The following CAPSL variants were observed in gnomAD, a reference collection of about 807,000 sequenced individuals.
CAPSL encodes the protein calcyphosine like.
CAPSL carries 17 observed loss-of-function variants against 21.3 expected under a neutral mutation model. The observed-to-expected ratio is 0.80, with a 90% CI of 0.55 to 1.20. The LOEUF (loss-of-function observed/expected upper bound fraction) is 1.20, where lower values mean the gene tolerates loss of function less well. Ranked by LOEUF, CAPSL falls within the 50% of genes most tolerant of loss-of-function variation. The pLI, the probability that CAPSL is intolerant of heterozygous loss-of-function variation, is 0.00. For missense variants in CAPSL, 289 were observed against 259.3 expected (o/e 1.11, Z -0.79); for synonymous variants, 102 against 89.3 (o/e 1.14, Z -0.80).
At chr5:35,915,279 G>A (rs971217598) in intron 2 of CAPSL, among the ~76,000 whole-genome samples, 1 of 152,170 alleles carries the variant, frequency 6.6e-6, no homozygotes, top group Non-Finnish European at 1.5e-5. Flanking sequence ...TCTACCAGAG[G>A]TACAAGGAGG....
intron 1 of CAPSL, among the ~76,000 whole-genome samples, chr5:35,926,155 C>CAGGCTAGCCAAT (rs946950529): frequency 1.3e-5 from 2 of 151,666 alleles, no homozygotes; most frequent in Non-Finnish European, 2.9e-5. Context: ...GAAGGCGGGA[C>CAGGCTAGCCAAT]AGGCTAGCCA....
chr5:35,926,096 G>GA (rs1738669539), intron 1 of CAPSL, among the ~76,000 whole-genome samples: 1 of 138,830 alleles, frequency 7.2e-6, no homozygotes, highest in African/African-American at 2.7e-5. Flanking sequence ...AAAAAAAAAC[G>GA]AAAAAACGGG....
intron 1 of CAPSL, among the ~76,000 whole-genome samples, chr5:35,923,601 T>C (rs1433235290): frequency 2.0e-5 from 3 of 152,208 alleles, no homozygotes; most frequent in African/African-American, 4.8e-5. Flanking sequence ...GATACCACAA[T>C]GTGGACAAAC....
intron 4 of CAPSL, among the ~76,000 whole-genome samples, chr5:35,906,696 G>A (rs557381420): frequency 1.3e-5 from 2 of 152,196 alleles, no homozygotes; most frequent in Non-Finnish European, 2.9e-5. Context: ...GCAATTGAAA[G>A]CAAACCCTAA....
intron 2 of CAPSL, among the ~76,000 whole-genome samples, chr5:35,918,761 A>G (rs1435210753): frequency 6.6e-6 from 1 of 152,288 alleles, no homozygotes; most frequent in Admixed American, 6.5e-5. Flanking sequence ...TGAGAACTTT[A>G]CCCATAAGAG....
At chr5:35,919,772 C>T (rs539418929) in intron 2 of CAPSL, among the ~76,000 whole-genome samples, 2 of 152,216 alleles carry the variant, frequency 1.3e-5, no homozygotes, top group South Asian at 4.1e-4. Context: ...AGGCAGATGG[C>T]ACATTCTGCA....
chr5:35,912,496 C>G (rs1439433031), intron 2 of CAPSL, among the ~76,000 whole-genome samples: 1 of 152,194 alleles, frequency 6.6e-6, no homozygotes, highest in East Asian at 1.9e-4. Flanking sequence ...CGGCCAGGTA[C>G]TCCTCTGAGA....
chr5:35,908,955 T>C (rs1326834672), intron 4 of CAPSL, among the ~76,000 whole-genome samples: 1 of 152,198 alleles, frequency 6.6e-6, no homozygotes, highest in Non-Finnish European at 1.5e-5. Flanking sequence ...CACTTATCTT[T>C]TCCTGTGCTG....
At chr5:35,924,165 C>G (rs1323017506) in intron 1 of CAPSL, among the ~76,000 whole-genome samples, 2 of 152,192 alleles carry the variant, frequency 1.3e-5, no homozygotes, top group Non-Finnish European at 2.9e-5. Flanking sequence ...AATCAGGTAA[C>G]TTGCCCAAGT....
chr5:35,906,132 A>G (rs12522083), intron 4 of CAPSL, among the ~76,000 whole-genome samples: 58,710 of 152,144 alleles, frequency 0.39, 13,074 homozygotes, highest in East Asian at 0.65. Flanking sequence ...GCACTTTACC[A>G]TGACAGTTTG....
At chr5:35,931,090 T>A (rs1157180712) in intron 1 of CAPSL, among the ~76,000 whole-genome samples, 1 of 152,222 alleles carries the variant, frequency 6.6e-6, no homozygotes, top group East Asian at 1.9e-4. Flanking sequence ...GTAAGAAACA[T>A]AATCTCTTTG....
chr5:35,921,300 C>G (rs887211381), intron 1 of CAPSL, among the ~76,000 whole-genome samples, 180 bp from the exon 2 acceptor site: 7 of 152,212 alleles, frequency 4.6e-5, no homozygotes, highest in African/African-American at 1.7e-4. Flanking sequence ...ACTTACTTAT[C>G]TAGTCCTGAG....
chr5:35,932,305 T>G (rs1738843756), intron 1 of CAPSL, among the ~76,000 whole-genome samples: 1 of 152,180 alleles, frequency 6.6e-6, no homozygotes, highest in South Asian at 2.1e-4. Flanking sequence ...CTGGAAGTGC[T>G]TCAAGTAGTC....
intron 2 of CAPSL, among the ~76,000 whole-genome samples, chr5:35,914,401 T>C: frequency 6.6e-6 from 1 of 152,132 alleles, no homozygotes; most frequent in Non-Finnish European, 1.5e-5. Flanking sequence ...ATCAACAGAA[T>C]ATACATTCTT....
intron 1 of CAPSL, among the ~76,000 whole-genome samples, chr5:35,927,253 T>A (rs1188658544): frequency 6.6e-6 from 1 of 152,162 alleles, no homozygotes; most frequent in Non-Finnish European, 1.5e-5. Context: ...GCAGTCCAAT[T>A]GTTCCGAGCC....
chr5:35,935,414 C>G (rs1738919710), intron 1 of CAPSL, among the ~76,000 whole-genome samples: 1 of 151,816 alleles, frequency 6.6e-6, no homozygotes, highest in African/African-American at 2.4e-5. Flanking sequence ...CTCACTGCAG[C>G]CTCAATCTCC....
chr5:35,914,922 C>G (rs1400710931), intron 2 of CAPSL, among the ~76,000 whole-genome samples: 1 of 152,078 alleles, frequency 6.6e-6, no homozygotes, highest in South Asian at 2.1e-4. Flanking sequence ...AATCCAGGAG[C>G]TGGTTATTTG....
intron 4 of CAPSL, among the ~76,000 whole-genome samples, chr5:35,908,699 T>G (rs1394027375): frequency 6.6e-6 from 1 of 152,206 alleles, no homozygotes; most frequent in Non-Finnish European, 1.5e-5. Context: ...AGATTTTGGC[T>G]GCCCTATTGA....
intron 1 of CAPSL, among the ~76,000 whole-genome samples, chr5:35,927,639 C>A (rs1351646215): frequency 1.3e-5 from 2 of 152,202 alleles, no homozygotes; most frequent in African/African-American, 4.8e-5. Flanking sequence ...GGATGGGGAA[C>A]TTGATGTGGC....
Sources: allele counts gnomAD v4.1 joint callset (sites outside exome capture counted in the v4.1 genomes callset), GRCh38; gene constraint gnomAD v4.1.1; transcripts MANE v1.5; gene names NCBI Gene and HGNC (gene_info 2026-07-23, HGNC 2026-07-21).